Variants in ZBBX observed in about 807,000 individuals in gnomAD.
The protein encoded by ZBBX is zinc finger B-box domain-containing protein 1.
ZBBX carries 101 observed loss-of-function variants against 108.5 expected under a neutral mutation model. That is an observed-to-expected ratio of 0.93 (90% CI 0.79 to 1.10). ZBBX has a LOEUF of 1.10. Among genes scored for constraint, ZBBX ranks in the 50% least tolerant of loss-of-function variants. The pLI is 0.00. For missense variants in ZBBX, 1,009 were observed against 941.4 expected, an observed-to-expected ratio of 1.07 and a Z score of -0.94; for synonymous variants, 356 against 323.4, an observed-to-expected ratio of 1.10 and a Z score of -1.08.
At position 167,242,599 on chromosome 3, in the gene ZBBX, C is replaced by A. The variant is rs752921130; in HGVS notation, c.2299G>T (p.Asp767Tyr). Residue 767 changes from aspartate (D) to tyrosine (Y), a missense_variant, in exon 21 of 22, where the codon GAT becomes TAT. Transcript: ENST00000675490. ...LYSLTSEEFPDFSSQSLNISQ... is the reference protein window; with the variant it reads ...LYSLTSEEFPYFSSQSLNISQ... ...ATATTCAGTGATTGGCTGCTGAAAT[C>A]TGGGAACTCTTCTGAGGTTAAGCTG... 5.0e-6 allele frequency: 8 copies of A among 1,613,662 alleles called. No individual in the cohort carries two copies. The highest frequency in any genetic ancestry group is 6.8e-6 in the Non-Finnish European group (8 of 1,179,818).
chr3:167,252,114 G>T (rs1171776287), intron 20 of ZBBX: 23 of 1,281,566 alleles, frequency 1.8e-5, no homozygotes, highest in African/African-American at 4.6e-5. Flanking sequence ...AATCAAAGGA[G>T]AAACTGTTTA....
intron 1 of ZBBX, among the ~76,000 whole-genome samples, chr3:167,395,795 T>G (rs1006012862): frequency 6.6e-6 from 1 of 151,936 alleles, no homozygotes; most frequent in Non-Finnish European, 1.5e-5. Flanking sequence ...AATTGCAAAT[T>G]TGGAAGAGCT....
At chr3:167,238,819 C>T (rs1465605437), downstream of ZBBX, among the ~76,000 whole-genome samples, 1 of 152,054 alleles carries the variant, frequency 6.6e-6, no homozygotes, top group African/African-American at 2.4e-5. Context: ...CCATGGACTC[C>T]CACCAATATC....
chr3:167,320,238 C>A (rs1736200399), intron 12 of ZBBX, among the ~76,000 whole-genome samples: 3 of 98,322 alleles, frequency 3.1e-5, no homozygotes, highest in East Asian at 4.3e-4. Flanking sequence ...TCAAAGCAAA[C>A]TAACCAAAAA....
chr3:167,263,035 CTTTTTT>C (rs59613369), intron 20 of ZBBX, among the ~76,000 whole-genome samples: 1 of 84,894 alleles, frequency 1.2e-5, no homozygotes, highest in Non-Finnish European at 2.3e-5. Flanking sequence ...TTTTCTAGTT[CTTTTTT>C]TTTTTTTTTT....
Position 167,282,360 on chromosome 3 carries a change from T to C in ZBBX, c.2132A>G (p.Glu711Gly), listed in dbSNP as rs1384090649. ...ATCAATATATTCAATTTCTGAAATT[T>C]CAGAAGCAGCTCTAGATGATGATTG... ...AAQSSSRAAS[E>G]ISEIEYIDIT... Residue 711 changes from glutamate to glycine, a missense_variant, in exon 20 of 22, where the codon GAA becomes GGA. By Grantham distance (98) the Glu-to-Gly change is moderately conservative (BLOSUM62 -2). Coordinates refer to ENST00000675490, the MANE Select transcript of ZBBX (RefSeq NM_001199201.2). 1 of 1,614,026 alleles carries C rather than the reference T, an allele frequency of 6.2e-7. No individual in the cohort carries two copies. Among genetic ancestry groups the C allele is most frequent in the Non-Finnish European group, 8.5e-7 (1 of 1,180,010 alleles).
At chr3:167,323,718 G>A (rs569151994) in intron 11 of ZBBX, among the ~76,000 whole-genome samples, 6 of 152,220 alleles carry the variant, frequency 3.9e-5, no homozygotes, top group South Asian at 4.1e-4. Flanking sequence ...GATCATGGGT[G>A]TTTTCCTTAA....
chr3:167,214,185 G>T, the ZBBX span, among the ~76,000 whole-genome samples: 7 of 152,164 alleles, frequency 4.6e-5, no homozygotes, highest in Admixed American at 3.9e-4. Flanking sequence ...GAATGTAAAT[G>T]CACTAAATGC....
chr3:167,187,741 CT>C, the ZBBX span, among the ~76,000 whole-genome samples: 57 of 152,212 alleles, frequency 3.7e-4, no homozygotes, highest in South Asian at 6.2e-3. Flanking sequence ...AAAATATATA[CT>C]TAAGTATATT....
At chr3:167,250,627 A>C (rs1163735310) in intron 20 of ZBBX, among the ~76,000 whole-genome samples, 1 of 151,840 alleles carries the variant, frequency 6.6e-6, no homozygotes, top group Admixed American at 6.6e-5. Flanking sequence ...AGGAACCCTT[A>C]GACCGCTAGG....
the ZBBX span, among the ~76,000 whole-genome samples, chr3:167,226,599 G>A: frequency 2.6e-5 from 4 of 151,632 alleles, no homozygotes; most frequent in South Asian, 2.1e-4. Context: ...ATCTTCTTAC[G>A]TTCCTAGAAA....
At chr3:167,267,409 C>T (rs56657598) in intron 20 of ZBBX, among the ~76,000 whole-genome samples, 2,630 of 152,108 alleles carry the variant, frequency 0.017, 75 homozygotes, top group African/African-American at 0.06. Flanking sequence ...AGAAATTGAG[C>T]CTAACTAGGA....
chr3:167,360,776 G>T, intron 6 of ZBBX, 53 bp from the exon 7 acceptor site: 5 of 1,159,744 alleles, frequency 4.3e-6, no homozygotes, highest in African/African-American at 1.6e-5. Flanking sequence ...CTTATTCAAC[G>T]AAAGTTGCCA....
At chr3:167,210,520 C>T in the ZBBX span, among the ~76,000 whole-genome samples, 7 of 152,038 alleles carry the variant, frequency 4.6e-5, no homozygotes, top group African/African-American at 1.4e-4. Flanking sequence ...AAAGAACTTT[C>T]CAAATCTGGA....
intron 4 of ZBBX, among the ~76,000 whole-genome samples, chr3:167,369,013 T>A (rs2108582900): frequency 6.6e-6 from 1 of 152,246 alleles, no homozygotes; most frequent in East Asian, 1.9e-4. Flanking sequence ...CCTCCAAAAT[T>A]TTAAATCTCT....
chr3:167,218,633 A>G, the ZBBX span, among the ~76,000 whole-genome samples: 1 of 152,226 alleles, frequency 6.6e-6, no homozygotes, highest in Middle Eastern at 3.4e-3. Context: ...CAGATACACA[A>G]AAAAATAAAA....
At chr3:167,194,598 A>T in the ZBBX span, among the ~76,000 whole-genome samples, 1 of 152,214 alleles carries the variant, frequency 6.6e-6, no homozygotes, top group African/African-American at 2.4e-5. Flanking sequence ...TCAGCCAGAG[A>T]GCTGTCAATG....
At chr3:167,289,127 CTT>C (rs2108559010) in intron 18 of ZBBX, 144 bp from the exon 19 acceptor site, 1 of 344,554 alleles carries the variant, frequency 2.9e-6, no homozygotes, top group East Asian at 5.0e-5. Context: ...AATACAAAAT[CTT>C]ATTACAAAAT....
At chr3:167,361,435 A>G (rs1170157980) in intron 6 of ZBBX, among the ~76,000 whole-genome samples, 1 of 152,150 alleles carries the variant, frequency 6.6e-6, no homozygotes, top group Non-Finnish European at 1.5e-5. Flanking sequence ...GATGGTGTGC[A>G]TTTATATAGA....
Sources: allele counts gnomAD v4.1 joint callset (sites outside exome capture counted in the v4.1 genomes callset), GRCh38; gene constraint gnomAD v4.1.1; transcripts MANE v1.5; gene names NCBI Gene and HGNC (gene_info 2026-07-23, HGNC 2026-07-21).